The following ZNG1E variants were observed in gnomAD, a reference collection of about 807,000 sequenced individuals.
ZNG1E encodes Zn regulated GTPase metalloprotein activator 1E, also known as zinc-regulated GTPase metalloprotein activator 1E.
the ZNG1E span, among the ~76,000 whole-genome samples, chr9:65,668,533 A>G: frequency 1.9e-4 from 28 of 150,732 alleles, no homozygotes; most frequent in African/African-American, 4.6e-4. Context: ...ATGTGTGTGT[A>G]TATATATTTT....
At chr9:65,657,978 A>G in the ZNG1E span, among the ~76,000 whole-genome samples, 1 of 152,268 alleles carries the variant, frequency 6.6e-6, no homozygotes. Context: ...TCATTCCTGT[A>G]ATCCAAGCTA....
the ZNG1E span, among the ~76,000 whole-genome samples, chr9:65,714,455 C>A: frequency 1.8e-3 from 261 of 147,322 alleles, 1 homozygote; most frequent in African/African-American, 6.4e-3. Context: ...GGAGGAGAGG[C>A]GCTCTGCTTT....
chr9:65,691,979 C>A, the ZNG1E span, among the ~76,000 whole-genome samples: 1 of 107,656 alleles, frequency 9.3e-6, no homozygotes, highest in Non-Finnish European at 2.0e-5. Context: ...TGGTTGAATT[C>A]CTTAGGCATA....
the ZNG1E span, chr9:65,705,063 T>C: frequency 2.0e-5 from 3 of 150,136 alleles, no homozygotes; most frequent in African/African-American, 5.0e-5. Flanking sequence ...GCTATAAGCA[T>C]GTGTAGAAAA....
At chr9:65,687,273 T>C in the ZNG1E span, among the ~76,000 whole-genome samples, 4 of 142,658 alleles carry the variant, frequency 2.8e-5, no homozygotes, top group African/African-American at 1.0e-4. Flanking sequence ...TTTAGTTCTA[T>C]GTTTTAATAG....
the ZNG1E span, among the ~76,000 whole-genome samples, chr9:65,656,497 C>G: frequency 6.6e-6 from 1 of 151,606 alleles, no homozygotes; most frequent in Non-Finnish European, 1.5e-5. Context: ...TGTCAGATAC[C>G]ACTGAAAATG....
the ZNG1E span, among the ~76,000 whole-genome samples, chr9:65,723,844 GTTTC>G: frequency 3.5e-5 from 4 of 113,476 alleles, no homozygotes; most frequent in African/African-American, 1.7e-4. Context: ...TCACTTTTCT[GTTTC>G]TTTCTCTGTC....
chr9:65,710,702 C>T, the ZNG1E span, among the ~76,000 whole-genome samples: 11 of 150,252 alleles, frequency 7.3e-5, no homozygotes, highest in Middle Eastern at 3.4e-3. Flanking sequence ...CTGTTCTGTT[C>T]CATTGATCTA....
chr9:65,671,253 CA>C, the ZNG1E span, among the ~76,000 whole-genome samples: 91 of 151,662 alleles, frequency 6.0e-4, no homozygotes, highest in African/African-American at 2.2e-3. Context: ...TCTCTAATCC[CA>C]TTGGAAAATA....
chr9:65,660,529 A>G, the ZNG1E span, among the ~76,000 whole-genome samples: 1 of 152,258 alleles, frequency 6.6e-6, no homozygotes, highest in Admixed American at 6.5e-5. Context: ...TAGAAATGGT[A>G]GAGTGTATTC....
At chr9:65,654,903 GC>G in the ZNG1E span, among the ~76,000 whole-genome samples, 1 of 148,996 alleles carries the variant, frequency 6.7e-6, no homozygotes, top group Non-Finnish European at 1.5e-5. Context: ...GATTAATATT[GC>G]CACAGTCCTT....
the ZNG1E span, among the ~76,000 whole-genome samples, chr9:65,674,774 TA>T: frequency 6.7e-6 from 1 of 149,318 alleles, no homozygotes; most frequent in African/African-American, 2.5e-5. Flanking sequence ...TCTTGTGAAG[TA>T]AAACATTTGA....
At chr9:65,697,439 G>C in the ZNG1E span, among the ~76,000 whole-genome samples, 1 of 88,758 alleles carries the variant, frequency 1.1e-5, no homozygotes, top group African/African-American at 3.9e-5. Context: ...GATGATGAGG[G>C]TGTTAGATTT....
At chr9:65,657,992 G>A in the ZNG1E span, among the ~76,000 whole-genome samples, 13 of 152,240 alleles carry the variant, frequency 8.5e-5, no homozygotes, top group Non-Finnish European at 1.2e-4. Flanking sequence ...CAAGCTACTC[G>A]GGAGGCTGAG....
At chr9:65,659,312 T>C in the ZNG1E span, among the ~76,000 whole-genome samples, 1 of 146,510 alleles carries the variant, frequency 6.8e-6, no homozygotes, top group East Asian at 2.0e-4. Context: ...CTGACCAACA[T>C]GGTGAAACGC....
the ZNG1E span, among the ~76,000 whole-genome samples, chr9:65,659,409 C>T: frequency 1.3e-5 from 2 of 150,974 alleles, no homozygotes; most frequent in African/African-American, 4.9e-5. Context: ...ACAGAAGAAT[C>T]ACTTGAACCC....
At chr9:65,673,643 A>C in the ZNG1E span, among the ~76,000 whole-genome samples, 1 of 150,528 alleles carries the variant, frequency 6.6e-6, no homozygotes, top group African/African-American at 2.5e-5. Context: ...TCTACCAAAA[A>C]GAAAAAGAAA....
At chr9:65,708,469 ACTC>A in the ZNG1E span, 1 of 249,076 alleles carries the variant, frequency 4.0e-6, no homozygotes, top group African/African-American at 2.5e-5. Context: ...TGGTTATTTG[ACTC>A]CTCATTTTTA....
chr9:65,714,640 G>C, the ZNG1E span, among the ~76,000 whole-genome samples: 1 of 152,106 alleles, frequency 6.6e-6, no homozygotes, highest in South Asian at 2.1e-4. Flanking sequence ...GGAGTACCCG[G>C]CCGTGTGAGG....
Sources: allele counts gnomAD v4.1 joint callset (sites outside exome capture counted in the v4.1 genomes callset), GRCh38; gene constraint gnomAD v4.1.1; transcripts MANE v1.5; gene names NCBI Gene and HGNC (gene_info 2026-07-23, HGNC 2026-07-21).